Variants in HLCS observed in about 807,000 individuals in gnomAD.
The protein encoded by HLCS is holocarboxylase synthetase.
A neutral mutation model predicts 75.0 loss-of-function variants in HLCS; 53 were observed. The observed-to-expected ratio is 0.71, with a 90% CI of 0.57 to 0.89. The LOEUF is 0.89. Ranked by LOEUF, HLCS falls within the 40% of genes least tolerant of loss-of-function variation. The pLI, the probability that HLCS is intolerant of heterozygous loss-of-function variation, is 0.00. For synonymous variants in HLCS, 431 were observed against 428.6 expected (o/e 1.01, Z -0.07); for missense variants, 966 against 1,074.0 (o/e 0.90, Z 1.41).
intron 6 of HLCS, among the ~76,000 whole-genome samples, chr21:36,797,203 C>T (rs894832132): frequency 1.8e-4 from 28 of 152,120 alleles, no homozygotes; most frequent in African/African-American, 6.8e-4. Context: ...TGACATAACT[C>T]ATGGCTGTAC....
rs193142044 is a variant in HLCS at position 36,790,323 on chromosome 21, G to T, written c.1893-23038C>A. 1.3e-3 allele frequency among the ~76,000 whole-genome samples: 201 copies of T among 152,338 alleles called. 1 individual carries two copies. Among genetic ancestry groups the T allele is most frequent in the Admixed American group, 2.5e-3 (38 of 15,306 alleles). ...GGAGGCTGAGGCAGGAGAATTGCTT[G>T]AACCCAGGAGGTGAAGGTTACAGTG... On this transcript the variant is annotated intron_variant, in intron 6 of 10. Transcript: ENST00000674895.
At chr21:36,830,194 G>A (rs537656419) in intron 6 of HLCS, among the ~76,000 whole-genome samples, 4 of 152,224 alleles carry the variant, frequency 2.6e-5, no homozygotes, top group Admixed American at 6.5e-5. Context: ...CCTCTCTCAC[G>A]GCCTCAGAAG....
intron 6 of HLCS, among the ~76,000 whole-genome samples, chr21:36,888,448 ATATATAT>A (rs1569149595): frequency 0.037 from 965 of 26,358 alleles, 61 homozygotes; most frequent in Non-Finnish European, 0.048. Context: ...AAAAAAAAAT[ATATATAT>A]ATATATATAT....
At chr21:36,757,454 T>C (rs2089647830) in intron 9 of HLCS, among the ~76,000 whole-genome samples, 1 of 152,132 alleles carries the variant, frequency 6.6e-6, no homozygotes, top group Non-Finnish European at 1.5e-5. Context: ...CAGAGGGCGG[T>C]GTCTTCAGAA....
intron 2 of HLCS, among the ~76,000 whole-genome samples, chr21:36,940,768 T>C (rs568224394): frequency 2.4e-4 from 37 of 152,260 alleles, no homozygotes; most frequent in African/African-American, 8.7e-4. Flanking sequence ...CATATAGAGA[T>C]ATGGTTTGGC....
intron 2 of HLCS, among the ~76,000 whole-genome samples, chr21:36,959,501 G>A (rs1191684012): frequency 6.6e-6 from 1 of 152,204 alleles, no homozygotes; most frequent in African/African-American, 2.4e-5. Context: ...GCGGGTCCCT[G>A]GTGACGCCCT....
intron 6 of HLCS, among the ~76,000 whole-genome samples, chr21:36,810,839 G>A (rs1163607792): frequency 6.6e-6 from 1 of 152,174 alleles, no homozygotes; most frequent in East Asian, 1.9e-4. Flanking sequence ...ACCTTATTAT[G>A]CCAGAGAGTG....
Position 36,814,516 on chromosome 21 carries a change from T to C in HLCS, c.1893-47231A>G, listed in dbSNP as rs140416117. Among the ~76,000 whole-genome samples, 590 of 152,322 alleles carry C rather than the reference T, an allele frequency of 3.9e-3. 2 individuals carry two copies. Among genetic ancestry groups the C allele is most frequent in the African/African-American group, 0.013 (543 of 41,568 alleles). ...AATGAACAGGGCATCCCGGATTTTA[T>C]CTGGCAAATTTATGCAAAACATTCA... On this transcript the variant is annotated intron_variant, in intron 6 of 10. Coordinates refer to ENST00000674895, the MANE Select transcript of HLCS (RefSeq NM_001352514.2).
At chr21:36,978,695 G>T (rs1298146705) in intron 1 of HLCS, among the ~76,000 whole-genome samples, 3 of 152,120 alleles carry the variant, frequency 2.0e-5, no homozygotes, top group Non-Finnish European at 4.4e-5. Flanking sequence ...AAGCTGGCAG[G>T]ACTGAAGGGT....
intron 2 of HLCS, among the ~76,000 whole-genome samples, chr21:36,949,440 C>T (rs1395816494): frequency 6.6e-6 from 1 of 152,224 alleles, no homozygotes; most frequent in Non-Finnish European, 1.5e-5. Flanking sequence ...AGCTTCCTCA[C>T]AGTATGGGAG....
At chr21:36,930,532 A>G (rs754222833) in intron 4 of HLCS, 99 bp from the exon 5 acceptor site, 34 of 1,025,494 alleles carry the variant, frequency 3.3e-5, no homozygotes, top group Non-Finnish European at 4.7e-5. Context: ...AAATTTAGAG[A>G]CAGGATCTCA....
intron 6 of HLCS, among the ~76,000 whole-genome samples, chr21:36,881,058 C>T (rs1451161589): frequency 1.3e-5 from 2 of 152,084 alleles, no homozygotes; most frequent in Non-Finnish European, 2.9e-5. Flanking sequence ...GCAACCTCCA[C>T]CTCCCAGATT....
intron 6 of HLCS, among the ~76,000 whole-genome samples, chr21:36,887,986 C>G (rs1297764223): frequency 6.6e-6 from 1 of 152,170 alleles, no homozygotes; most frequent in Non-Finnish European, 1.5e-5. Context: ...CCCTTAGAAT[C>G]TTTAGGACAA....
intron 5 of HLCS, among the ~76,000 whole-genome samples, chr21:36,903,459 C>T (rs903018957): frequency 1.3e-5 from 2 of 152,082 alleles, no homozygotes; most frequent in Non-Finnish European, 2.9e-5. Flanking sequence ...GCTAGAGATA[C>T]ATATAGGTGA....
At chr21:36,856,111 T>C (rs1191663257) in intron 6 of HLCS, among the ~76,000 whole-genome samples, 2 of 152,180 alleles carry the variant, frequency 1.3e-5, no homozygotes, top group Non-Finnish European at 2.9e-5. Flanking sequence ...ACAGGGTTTC[T>C]TTTTGGGGTG....
intron 2 of HLCS, among the ~76,000 whole-genome samples, chr21:36,953,898 A>G (rs1275595098): frequency 2.6e-5 from 4 of 152,196 alleles, no homozygotes; most frequent in African/African-American, 9.7e-5. Flanking sequence ...TAAGATTACA[A>G]TGGAGGTAAA....
intron 6 of HLCS, among the ~76,000 whole-genome samples, chr21:36,894,337 T>C (rs2064922642): frequency 1.3e-5 from 2 of 152,210 alleles, no homozygotes; most frequent in African/African-American, 4.8e-5. Flanking sequence ...GATACACTCA[T>C]GTAGGATCAA....
chr21:36,929,307 C>T lies in HLCS; in HGVS notation c.1620+944G>A, dbSNP rs564944992. 1.5e-3 allele frequency among the ~76,000 whole-genome samples: 222 copies of T among 152,342 alleles called. 1 individual carries two copies. Among genetic ancestry groups the T allele is most frequent in the Middle Eastern group, 3.4e-3 (1 of 294 alleles). Reference sequence around the variant, plus strand: ...AGGCACTGGCTAAGGTAGCCAGCCCCAGCCCTCCATCCCCAGGAAAAGGCG... The same window carrying T: ...AGGCACTGGCTAAGGTAGCCAGCCCTAGCCCTCCATCCCCAGGAAAAGGCG... On this transcript the variant is annotated intron_variant, in intron 5 of 10. Transcript: ENST00000674895.
In HLCS at chr21:36,753,617, T is replaced by C. The variant is rs1471599922; in HGVS notation, c.*629A>G. The stretch of plus-strand genomic sequence containing the variant: ...GAATGATGTCAAAGTAATGAACTGA[T>C]TTCCTCTACAAGGTCACTGCAACCA... On this transcript the variant is annotated 3_prime_UTR_variant, in exon 11 of 11. Coordinates refer to ENST00000674895, the MANE Select transcript of HLCS (RefSeq NM_001352514.2). The surrounding 1 kb of genome is among the most constrained non-coding windows in gnomAD (Gnocchi z 4.3). 1.3e-5 allele frequency: 2 copies of C among 153,800 alleles called. No individual in the cohort carries two copies. The highest frequency in any genetic ancestry group is 2.4e-5 in the African/African-American group (1 of 41,458). 9.5% of individuals were successfully genotyped at this position (153,800 alleles called of 1,614,324 possible).
Sources: allele counts gnomAD v4.1 joint callset (sites outside exome capture counted in the v4.1 genomes callset), GRCh38; gene constraint gnomAD v4.1.1; non-coding constraint Gnocchi (gnomAD v3.1); transcripts MANE v1.5; gene names NCBI Gene and HGNC (gene_info 2026-07-23, HGNC 2026-07-21).